SLC44A5: variants seen among roughly 807,000 people sequenced by gnomAD.
The protein encoded by SLC44A5 is choline transporter-like protein 5.
Under a neutral mutation model 101.8 loss-of-function variants are expected in SLC44A5, and 57 were observed. The observed-to-expected ratio is 0.56, with a 90% confidence interval of 0.45 to 0.70. SLC44A5 has a LOEUF of 0.70. Among genes scored for constraint, SLC44A5 ranks in the 30% least tolerant of loss-of-function variants. SLC44A5 has a pLI of 0.00. For missense variants in SLC44A5, 737 were observed against 853.1 expected (o/e 0.86, Z 1.70); for synonymous variants, 281 against 290.9 (o/e 0.97, Z 0.35).
chr1:75,621,211 C>G, the SLC44A5 span, among the ~76,000 whole-genome samples: 1 of 152,144 alleles, frequency 6.6e-6, no homozygotes, highest in Non-Finnish European at 1.5e-5. Context: ...AAGGACAAAA[C>G]TGGCCTCATC....
chr1:75,692,651 T>C, the SLC44A5 span, among the ~76,000 whole-genome samples: 2 of 152,168 alleles, frequency 1.3e-5, no homozygotes, highest in Non-Finnish European at 2.9e-5. Context: ...CCTCTTCTTA[T>C]TGCTTCTGTT....
chr1:75,445,007 A>C (rs1665468027), intron 2 of SLC44A5, among the ~76,000 whole-genome samples: 1 of 152,136 alleles, frequency 6.6e-6, no homozygotes, highest in Non-Finnish European at 1.5e-5. Context: ...AAGAAAATGT[A>C]ATGAGACATC....
chr1:75,284,705 G>A (rs112157869), intron 5 of SLC44A5, among the ~76,000 whole-genome samples: 131 of 152,090 alleles, frequency 8.6e-4, no homozygotes, highest in African/African-American at 3.1e-3. Context: ...TTTGCTGAGG[G>A]CCTTAATACT....
chr1:75,656,416 C>T, the SLC44A5 span, among the ~76,000 whole-genome samples: 1 of 152,090 alleles, frequency 6.6e-6, no homozygotes, highest in Non-Finnish European at 1.5e-5. Context: ...AGTATAAAGA[C>T]TGAAAAGCAA....
In SLC44A5 at chr1:75,339,634, C is replaced by T; in HGVS notation, c.53-4G>A. ...GGGTCATATGTCCTTGGATCACCTG[C>T]ATTTAAAACAAAGACATTTTAAGCA... On this transcript the variant is annotated splice_region_variant and splice_polypyrimidine_tract_variant and intron_variant, in intron 3 of 23. Transcript: ENST00000370859. The T allele has an allele frequency of 1.9e-6, 3 of 1,605,362 alleles. No individual in the cohort carries two copies. The highest frequency in any genetic ancestry group is 2.6e-6 in the Non-Finnish European group (3 of 1,175,738).
chr1:75,398,311 A>G (rs976553458), intron 2 of SLC44A5: 3 of 902,094 alleles, frequency 3.3e-6, no homozygotes, highest in Non-Finnish European at 4.0e-6. Flanking sequence ...CCTCTACTCC[A>G]ATTTTCTCCA....
intron 2 of SLC44A5, among the ~76,000 whole-genome samples, chr1:75,498,518 T>C (rs1488096833): frequency 6.6e-6 from 1 of 152,212 alleles, no homozygotes; most frequent in Non-Finnish European, 1.5e-5. Context: ...ATCTATTTTC[T>C]TTAACATAAT....
At chr1:75,371,012 C>T (rs1660186531) in intron 3 of SLC44A5, among the ~76,000 whole-genome samples, 1 of 151,352 alleles carries the variant, frequency 6.6e-6, no homozygotes, top group East Asian at 2.0e-4. Flanking sequence ...TGGGACAATG[C>T]TCTCATCTCA....
At chr1:75,699,746 A>G in the SLC44A5 span, among the ~76,000 whole-genome samples, 2 of 152,188 alleles carry the variant, frequency 1.3e-5, no homozygotes, top group Non-Finnish European at 2.9e-5. Flanking sequence ...TCAGTGTGCT[A>G]TATTCAGGAA....
chr1:75,597,847 A>G (rs1047000515), intron 1 of SLC44A5, among the ~76,000 whole-genome samples: 7 of 152,350 alleles, frequency 4.6e-5, no homozygotes, highest in African/African-American at 9.6e-5. Flanking sequence ...CAGAAAGACA[A>G]TGAGGGCATT....
At position 75,339,633 on chromosome 1, in the gene SLC44A5, G is replaced by A; in HGVS notation, c.53-3C>T. 6.2e-7 allele frequency: 1 copy of A among 1,605,888 alleles called. No homozygotes were observed. The highest frequency in any genetic ancestry group is 1.7e-5 in the Admixed American group (1 of 59,286). On this transcript the variant is annotated splice_region_variant and splice_polypyrimidine_tract_variant and intron_variant, in intron 3 of 23. Coordinates refer to ENST00000370859, the MANE Select transcript of SLC44A5 (RefSeq NM_001130058.2). Reference sequence around the variant, plus strand: ...TGGGTCATATGTCCTTGGATCACCTGCATTTAAAACAAAGACATTTTAAGC... The same window carrying A: ...TGGGTCATATGTCCTTGGATCACCTACATTTAAAACAAAGACATTTTAAGC...
intron 2 of SLC44A5, among the ~76,000 whole-genome samples, chr1:75,432,013 GA>G (rs548962457): frequency 1.6e-4 from 25 of 152,178 alleles, no homozygotes; most frequent in African/African-American, 5.8e-4. Context: ...TAGAATATGT[GA>G]ATGTCAAGCC....
chr1:75,421,105 C>T (rs1663977556), intron 2 of SLC44A5, among the ~76,000 whole-genome samples: 1 of 151,998 alleles, frequency 6.6e-6, no homozygotes, highest in Admixed American at 6.6e-5. Context: ...ATATGGTCCA[C>T]TTCAAATTTT....
At chr1:75,702,287 C>A in the SLC44A5 span, among the ~76,000 whole-genome samples, 1 of 152,172 alleles carries the variant, frequency 6.6e-6, no homozygotes, top group Non-Finnish European at 1.5e-5. Flanking sequence ...ACGAAAACAG[C>A]ATGGTACTGG....
the SLC44A5 span, among the ~76,000 whole-genome samples, chr1:75,683,625 A>G: frequency 1.3e-5 from 2 of 152,072 alleles, no homozygotes; most frequent in Non-Finnish European, 2.9e-5. Context: ...GGAAGGGGGG[A>G]GGGATAGCAT....
At chr1:75,378,498 G>T in intron 3 of SLC44A5, among the ~76,000 whole-genome samples, 1 of 71,730 alleles carries the variant, frequency 1.4e-5, no homozygotes, top group Non-Finnish European at 2.3e-5. Context: ...GAAGAAGATA[G>T]CATTTCAGTT....
intron 3 of SLC44A5, 138 bp from the exon 4 acceptor site, chr1:75,339,768 A>G (rs948589006): frequency 6.4e-6 from 4 of 629,852 alleles, no homozygotes; most frequent in South Asian, 5.7e-5. Flanking sequence ...TTGATGAAAC[A>G]TAAGTATGTC....
intron 4 of SLC44A5, among the ~76,000 whole-genome samples, chr1:75,306,705 G>GAA (rs1445638348): frequency 2.0e-5 from 3 of 147,120 alleles, no homozygotes; most frequent in Non-Finnish European, 4.5e-5. Flanking sequence ...CTCTCATCCA[G>GAA]AAACTGATTC....
the SLC44A5 span, among the ~76,000 whole-genome samples, chr1:75,654,852 C>A: frequency 2.6e-5 from 4 of 152,092 alleles, no homozygotes; most frequent in Non-Finnish European, 5.9e-5. Context: ...TTGCAATACT[C>A]GTTTCTTTCT....
Sources: allele counts gnomAD v4.1 joint callset (sites outside exome capture counted in the v4.1 genomes callset), GRCh38; gene constraint gnomAD v4.1.1; transcripts MANE v1.5; gene names NCBI Gene and HGNC (gene_info 2026-07-23, HGNC 2026-07-21).